DDX23: variants seen among roughly 807,000 people sequenced by gnomAD.
DDX23 encodes probable ATP-dependent RNA helicase DDX23.
A neutral mutation model predicts 102.7 loss-of-function variants in DDX23; 33 were observed. The observed-to-expected ratio is 0.32, with a 90% CI of 0.24 to 0.43. The LOEUF (loss-of-function observed/expected upper bound fraction) is 0.43, where lower values mean the gene tolerates loss of function less well. Among genes scored for constraint, DDX23 ranks in the 20% least tolerant of loss-of-function variants. DDX23 has a pLI of 1.00. For synonymous variants in DDX23, 352 were observed against 376.0 expected (o/e 0.94, Z 0.74); for missense variants, 549 against 1,086.6 (o/e 0.51, Z 6.96).
Position 48,847,763 on chromosome 12 carries a change from C to A in DDX23, c.1-1981G>T, listed in dbSNP as rs569635956. 3.9e-5 allele frequency among the ~76,000 whole-genome samples: 6 copies of A among 152,244 alleles called. No homozygotes were observed. In the South Asian group the frequency reaches 1.2e-3, roughly 32 times the overall value. Reference sequence around the variant, plus strand: ...CCCGGGAGGCAGAGGCTGCAGTAAGCCGAGATTGTGCCACTGCACCCCAGT... The same window carrying A: ...CCCGGGAGGCAGAGGCTGCAGTAAGACGAGATTGTGCCACTGCACCCCAGT... On this transcript the variant is annotated intron_variant, in intron 1 of 16. Coordinates refer to ENST00000308025, the MANE Select transcript of DDX23 (RefSeq NM_004818.3).
Position 48,832,018 on chromosome 12 carries a change from T to C in DDX23, c.2064+60A>G, listed in dbSNP as rs1053013415. On this transcript the variant is annotated intron_variant, in intron 15 of 16. Transcript: ENST00000308025. The surrounding 1 kb of genome is among the most constrained non-coding windows in gnomAD (Gnocchi z 4.4). ...TTGAAAGGAAGAGCCTAGGGGGCCCTGCTAGATTCAGAAAGCAGTGCCACA... is the reference window on the plus strand; with the variant it reads ...TTGAAAGGAAGAGCCTAGGGGGCCCCGCTAGATTCAGAAAGCAGTGCCACA... 7 of 1,514,090 alleles carry C rather than the reference T, an allele frequency of 4.6e-6. No individual in the cohort carries two copies. The Admixed American group carries it at 1.0e-4, about 22-fold the overall frequency. The allele number at this position is 1,514,090 out of a possible 1,614,324, so 93.8% of individuals were successfully genotyped here. A position where few individuals can be genotyped will look rare whatever the true frequency, so the allele number is the denominator to read the frequency against.
Position 48,838,013 on chromosome 12 carries a change from T to G in DDX23, c.548A>C (p.Glu183Ala), listed in dbSNP as rs1938489754. 1 of 1,614,098 alleles carries G rather than the reference T, an allele frequency of 6.2e-7. No homozygotes were observed. The highest frequency in any genetic ancestry group is 1.1e-5 in the South Asian group (1 of 91,090). ...CTCTTCTTCAAGCATCCTCTGCCGC[T>G]CTTCCACCTCCTGCTGCCGTCGCTT... ...ALKRRQQEVE[E>A]RQRMLEEERK... The change falls in exon 6 of 17, where the codon GAG becomes GCG. Residue 183 changes from glutamate to alanine, a missense_variant. Physicochemically the swap from Glu to Ala is moderately radical, Grantham distance 107. Coordinates refer to ENST00000308025, the MANE Select transcript of DDX23 (RefSeq NM_004818.3).
In DDX23 at chr12:48,845,626, G is replaced by A. The variant is rs759990055; in HGVS notation, c.157C>T (p.Arg53Cys). The A allele has an allele frequency of 5.6e-6, 9 of 1,614,220 alleles. No individual in the cohort carries two copies. Among genetic ancestry groups the A allele is most frequent in the Non-Finnish European group, 6.8e-6 (8 of 1,180,032 alleles). ...DRKRHRSRDR[R>C]RGGSRSRSRS... The stretch of plus-strand genomic sequence containing the variant: ...GAGCGAGAACGGCTGCCTCCTCGAC[G>A]TCTATCCCTTGAACGATGCCGCTTT... Residue 53 changes from arginine to cysteine, a missense_variant, in exon 2 of 17, where the codon CGT becomes TGT. By Grantham distance (180) the Arg-to-Cys change is radical. Coordinates refer to ENST00000308025, the MANE Select transcript of DDX23 (RefSeq NM_004818.3).
rs1419573688 is a variant in DDX23 at position 48,832,326 on chromosome 12, A to G, written c.1955+96T>C. 6.4e-7 allele frequency: 1 copy of G among 1,551,560 alleles called. No homozygotes were observed. The highest frequency in any genetic ancestry group is 8.8e-7 in the Non-Finnish European group (1 of 1,134,294). On this transcript the variant is annotated intron_variant, in intron 14 of 16. Coordinates refer to ENST00000308025, the MANE Select transcript of DDX23 (RefSeq NM_004818.3). This position sits in a 1 kb window ranked among gnomAD's most constrained non-coding sequence, Gnocchi z 4.4. Reference sequence around the variant, plus strand: ...CAAGAAAACAGCAGCTCTTCAACACAGCAGAGCAATTGCCCTGCCCTGCAC... The same window carrying G: ...CAAGAAAACAGCAGCTCTTCAACACGGCAGAGCAATTGCCCTGCCCTGCAC...
intron 3 of DDX23, among the ~76,000 whole-genome samples, chr12:48,842,067 G>A (rs1013870312): frequency 5.9e-5 from 9 of 151,600 alleles, no homozygotes; most frequent in East Asian, 3.9e-4. Flanking sequence ...CCCTCCGCCC[G>A]GCAGCCACAT....
intron 3 of DDX23, among the ~76,000 whole-genome samples, chr12:48,840,332 G>A (rs551750730): frequency 6.6e-6 from 1 of 152,044 alleles, no homozygotes; most frequent in Non-Finnish European, 1.5e-5. Flanking sequence ...CTCCTTTTGA[G>A]ACTAATCTCT....
rs1368552125 is a variant in DDX23, at chr12:48,836,002, CAAAGAAT to C, written c.1382+112_1382+118del. On this transcript the variant is annotated intron_variant, in intron 11 of 16. Coordinates refer to ENST00000308025, the MANE Select transcript of DDX23 (RefSeq NM_004818.3). This position sits in a 1 kb window ranked among gnomAD's most constrained non-coding sequence, Gnocchi z 6.1. ...GATCCAATTATTCCCTAATATCCAA[CAAAGAAT>C]AAAGAAGAAAGCTTCTGATTATAGA... 2 of 1,195,886 alleles carry C rather than the reference CAAAGAAT, an allele frequency of 1.7e-6. No individual in the cohort carries two copies. The highest frequency in any genetic ancestry group is 2.4e-6 in the Non-Finnish European group (2 of 842,866). The allele number at this position is 1,195,886 out of a possible 1,614,324, so 74.1% of individuals were successfully genotyped here.
intron 8 of DDX23, 99 bp from the exon 9 acceptor site, chr12:48,837,136 G>A (rs1158184685): frequency 1.1e-5 from 18 of 1,571,230 alleles, no homozygotes; most frequent in Admixed American, 1.8e-5. Context: ...CCCAGACAGG[G>A]TCTTTCTTCC....
chr12:48,846,587 T>C (rs900648864), intron 1 of DDX23, among the ~76,000 whole-genome samples: 33 of 152,182 alleles, frequency 2.2e-4, no homozygotes, highest in Admixed American at 6.5e-4. Context: ...GAAACACACT[T>C]TTACTCAGAT....
Position 48,829,792 on chromosome 12 carries a change from A to G in DDX23, c.*677T>C, listed in dbSNP as rs1938351866. On this transcript the variant is annotated 3_prime_UTR_variant, in exon 17 of 17. Transcript: ENST00000308025. ...ATATTCATGTATTTATTCTCAGAAC[A>G]TACAAACTTATCTTCTCAGAGAATA... 4.7e-6 allele frequency: 1 copy of G among 213,010 alleles called. No individual in the cohort carries two copies. The highest frequency in any genetic ancestry group is 9.5e-6 in the Non-Finnish European group (1 of 105,180). 13.2% of individuals were successfully genotyped at this position (213,010 alleles called of 1,614,324 possible). A position where few individuals can be genotyped will look rare whatever the true frequency, so the allele number is the denominator to read the frequency against.
chr12:48,847,935 G>A (rs753623757), intron 1 of DDX23, among the ~76,000 whole-genome samples: 8 of 152,296 alleles, frequency 5.3e-5, no homozygotes, highest in South Asian at 4.1e-4. Context: ...AATATTCACC[G>A]AGCACCTACA....
chr12:48,833,018 T>C, intron 13 of DDX23: 6 of 525,696 alleles, frequency 1.1e-5, no homozygotes, highest in Non-Finnish European at 2.0e-5. Context: ...CCTCACTCTG[T>C]TGCCCAGGAT....
rs1012379687 is a variant in DDX23 at position 48,837,410 on chromosome 12, C to T, written c.754-17G>A. On this transcript the variant is annotated splice_polypyrimidine_tract_variant and intron_variant, in intron 7 of 16. Transcript: ENST00000308025. ...GTAACGCTCCTACCCAGGGACAGAACACAAAGCACATGAGCTTTGAGGCCC... is the reference window on the plus strand; with the variant it reads ...GTAACGCTCCTACCCAGGGACAGAATACAAAGCACATGAGCTTTGAGGCCC... 1 of 1,613,814 alleles carries T rather than the reference C, an allele frequency of 6.2e-7. No homozygotes were observed. The highest frequency in any genetic ancestry group is 8.5e-7 in the Non-Finnish European group (1 of 1,179,694).
chr12:48,831,717 G>A (rs1938390517), intron 15 of DDX23: 1 of 428,686 alleles, frequency 2.3e-6, no homozygotes, highest in African/African-American at 2.0e-5. Flanking sequence ...AAAGGACACT[G>A]ATTATCAGCT....
At position 48,837,316 on chromosome 12, in the gene DDX23, A is replaced by G; in HGVS notation, c.831T>C (p.Asp277=). ...LNDRKFVFEW[D]ASEDTSIDYN... ...AGTCAATGGATGTGTCCTCAGATGC[A>G]TCCCACTCAAAAACAAATTTCCGGT... is the stretch of plus-strand genomic sequence containing the variant. Residue 277 remains aspartate (D), a synonymous_variant, in exon 8 of 17, where the codon GAT becomes GAC. Coordinates refer to ENST00000308025, the MANE Select transcript of DDX23 (RefSeq NM_004818.3). 1 of 1,614,110 alleles carries G rather than the reference A, an allele frequency of 6.2e-7. No homozygotes were observed. Among genetic ancestry groups the G allele is most frequent in the Non-Finnish European group, 8.5e-7 (1 of 1,180,012 alleles).
intron 1 of DDX23, among the ~76,000 whole-genome samples, chr12:48,850,666 A>C (rs1938742162): frequency 6.6e-6 from 1 of 152,218 alleles, no homozygotes; most frequent in South Asian, 2.1e-4. Context: ...AAAAGACTGA[A>C]AAGAACTAGC....
intron 2 of DDX23, among the ~76,000 whole-genome samples, chr12:48,845,235 C>T (rs1002800275): frequency 4.6e-5 from 7 of 151,398 alleles, no homozygotes; most frequent in African/African-American, 1.2e-4. Context: ...AGGCAGATCA[C>T]GTCAGGAGAT....
chr12:48,831,290 T>G lies in DDX23; in HGVS notation c.2091A>C (p.Gly697=). The G allele has an allele frequency of 6.2e-7, 1 of 1,614,238 alleles. No homozygotes were observed. Among genetic ancestry groups the G allele is most frequent in the South Asian group, 1.1e-5 (1 of 91,084 alleles). The part of the protein sequence containing the change: ...MGYNACTLHG[G]KGQEQREFAL... ...CAAACTCTCGCTGCTCCTGGCCTTTTCCACCGTGCAGTGTGCAAGCATTGT... is the reference window on the plus strand; with the variant it reads ...CAAACTCTCGCTGCTCCTGGCCTTTGCCACCGTGCAGTGTGCAAGCATTGT... Residue 697 remains glycine, a synonymous_variant, in exon 16 of 17, where the codon GGA becomes GGC. Coordinates refer to ENST00000308025, the MANE Select transcript of DDX23 (RefSeq NM_004818.3).
chr12:48,849,658 C>T (rs1448291996), intron 1 of DDX23, among the ~76,000 whole-genome samples: 2 of 147,142 alleles, frequency 1.4e-5, no homozygotes, highest in African/African-American at 5.0e-5. Context: ...CTCCCTCTGT[C>T]TCGAGAGAAA....
Sources: gnomAD v4.1 joint callset for allele counts (sites outside exome capture counted in the v4.1 genomes callset) on GRCh38, gnomAD v4.1.1 for gene constraint, Gnocchi (gnomAD v3.1) non-coding constraint, MANE v1.5 for transcripts, NCBI Gene and HGNC (gene_info 2026-07-23, HGNC 2026-07-21) for gene names.